The following NNT variants were observed in gnomAD, a reference collection of about 807,000 sequenced individuals.
The protein encoded by NNT is nicotinamide nucleotide transhydrogenase, also known as NAD(P) transhydrogenase, mitochondrial.
Under a neutral mutation model 104.8 loss-of-function variants are expected in NNT, and 50 were observed. The ratio of observed to expected loss-of-function variants is 0.48; its 90% CI spans 0.38 to 0.60. NNT has a LOEUF of 0.60. Among genes scored for constraint, NNT ranks in the 20% least tolerant of loss-of-function variants. The pLI is 0.00. For synonymous variants in NNT, 461 were observed against 490.4 expected (o/e 0.94, Z 0.79); for missense variants, 1,131 against 1,330.7 (o/e 0.85, Z 2.33).
chr5:43,668,233 C>T (rs1296685761), intron 17 of NNT, among the ~76,000 whole-genome samples: 2 of 124,614 alleles, frequency 1.6e-5, no homozygotes, highest in Non-Finnish European at 3.2e-5. Flanking sequence ...TGCCTATTCA[C>T]TCTGATGGTG....
intron 15 of NNT, among the ~76,000 whole-genome samples, chr5:43,656,317 T>C (rs574665381): frequency 6.6e-6 from 1 of 152,040 alleles, no homozygotes; most frequent in East Asian, 1.9e-4. Flanking sequence ...TAAAAAAGAT[T>C]AAAAAAAATG....
chr5:43,615,980 A>G lies in NNT; in HGVS notation c.514A>G (p.Thr172Ala). The G allele has an allele frequency of 1.2e-6, 2 of 1,614,110 alleles. No individual in the cohort carries two copies. Among genetic ancestry groups the G allele is most frequent in the Non-Finnish European group, 1.7e-6 (2 of 1,180,016 alleles). ...ELLNKLSQRK[T>A]TVLAMDQVPR... ...GCTAAATAAACTTTCCCAAAGAAAAACTACAGTTCTGGCAATGGACCAGGT... is the reference window on the plus strand; with the variant it reads ...GCTAAATAAACTTTCCCAAAGAAAAGCTACAGTTCTGGCAATGGACCAGGT... The change falls in exon 4 of 22, where the codon ACT becomes GCT. Residue 172 changes from threonine (T) to alanine (A), a missense_variant. Transcript: ENST00000344920.
intron 17 of NNT, among the ~76,000 whole-genome samples, chr5:43,666,614 G>A (rs35141665): frequency 0.033 from 5,011 of 151,784 alleles, 127 homozygotes; most frequent in East Asian, 0.12. Flanking sequence ...GGGAGAGAAG[G>A]AGAGGGAGAG....
intron 7 of NNT, among the ~76,000 whole-genome samples, chr5:43,630,498 C>G (rs1182608718): frequency 4.6e-5 from 7 of 152,112 alleles, no homozygotes; most frequent in Non-Finnish European, 1.0e-4. Flanking sequence ...TATATTTTTA[C>G]TTATGGGAAT....
chr5:43,658,885 T>G (rs1476842771), intron 16 of NNT, among the ~76,000 whole-genome samples: 1 of 152,176 alleles, frequency 6.6e-6, no homozygotes, highest in African/African-American at 2.4e-5. Flanking sequence ...TGTCATTGTA[T>G]TTTTCCAAAT....
chr5:43,685,949 A>T (rs1240079391), intron 19 of NNT, among the ~76,000 whole-genome samples: 1 of 152,166 alleles, frequency 6.6e-6, no homozygotes, highest in Non-Finnish European at 1.5e-5. Context: ...AGAGGCTTTT[A>T]AAAAATAGTA....
intron 12 of NNT, 25 bp from the exon 13 acceptor site, chr5:43,651,714 T>G: frequency 6.2e-7 from 1 of 1,613,230 alleles, no homozygotes; most frequent in African/African-American, 1.3e-5. Context: ...GGTACTATGT[T>G]TTTTATTTCC....
chr5:43,621,856 A>G (rs1023346019), intron 5 of NNT, among the ~76,000 whole-genome samples: 1 of 152,214 alleles, frequency 6.6e-6, no homozygotes, highest in African/African-American at 2.4e-5. Context: ...AAGGATTCCA[A>G]GCATTTAGGA....
chr5:43,641,194 A>G (rs1046064469), intron 7 of NNT, among the ~76,000 whole-genome samples: 3 of 152,058 alleles, frequency 2.0e-5, no homozygotes, highest in African/African-American at 7.2e-5. Context: ...GTATTCTGAA[A>G]TTGTCTTCTC....
intron 5 of NNT, among the ~76,000 whole-genome samples, chr5:43,621,617 C>A (rs533091738): frequency 9.2e-5 from 14 of 151,760 alleles, no homozygotes; most frequent in African/African-American, 2.9e-4. Context: ...TCACTCCAGG[C>A]TGATCTGGAA....
At chr5:43,700,929 G>T (rs938277142) in intron 20 of NNT, among the ~76,000 whole-genome samples, 1 of 152,120 alleles carries the variant, frequency 6.6e-6, no homozygotes, top group Non-Finnish European at 1.5e-5. Context: ...AACAGTCTAA[G>T]GTAGTTTATA....
rs1265933558 is a variant in NNT at position 43,659,344 on chromosome 5, G to A, written c.2628G>A (p.Met876Ile). The change falls in exon 17 of 22, where the codon ATG becomes ATA. Residue 876 changes from methionine to isoleucine, a missense_variant. By Grantham distance (10) the Met-to-Ile change is conservative. Coordinates refer to ENST00000344920, the MANE Select transcript of NNT (RefSeq NM_182977.3). ...CTGGTGCTATCCTGTCATACATCAT[G>A]TGTGTGGTAAGAAACAACACATACA... is the stretch of plus-strand genomic sequence containing the variant. ...GSSGAILSYI[M>I]CVAMNRSLAN... 1.2e-6 allele frequency: 2 copies of A among 1,608,148 alleles called. No individual in the cohort carries two copies. Among genetic ancestry groups the A allele is most frequent in the East Asian group, 4.5e-5 (2 of 44,836 alleles).
chr5:43,698,081 T>C lies in NNT; in HGVS notation c.2877-2038T>C, dbSNP rs190076384. On this transcript the variant is annotated intron_variant, in intron 19 of 21. Transcript: ENST00000344920. ...GAGGTGGAGTTTCTCTTTGGATATA[T>C]ACACACACACACACACACATATACA... Among the ~76,000 whole-genome samples, 187 of 150,156 alleles carry C rather than the reference T, an allele frequency of 1.2e-3. 1 individual carries two copies. Among genetic ancestry groups the C allele is most frequent in the Middle Eastern group, 0.01 (3 of 288 alleles).
At chr5:43,700,017 G>A in intron 19 of NNT, 102 bp from the exon 20 acceptor site, 1 of 785,540 alleles carries the variant, frequency 1.3e-6, no homozygotes, top group Non-Finnish European at 2.1e-6. Flanking sequence ...GAAAAAAGCA[G>A]AGGTGCCAAG....
At position 43,656,729 on chromosome 5, in the gene NNT, C is replaced by T. The variant is rs371081845; in HGVS notation, c.2370C>T (p.Gly790=). The T allele has an allele frequency of 2.9e-5, 46 of 1,613,980 alleles. No individual in the cohort carries two copies. Among genetic ancestry groups the T allele is most frequent in the East Asian group, 6.7e-5 (3 of 44,882 alleles). Residue 790 remains glycine (G), a synonymous_variant, in exon 16 of 22, where the codon GGC becomes GGT. Transcript: ENST00000344920. ...LNAGLLAASV[G]GIIPFMVDPS... ...CAGGCTTACTGGCTGCTAGTGTGGG[C>T]GGGATAATCCCATTCATGGTGGACC...
rs905047019 is a variant in NNT at position 43,704,238 on chromosome 5, T to C, written c.3112-17T>C. The C allele has an allele frequency of 2.9e-5, 44 of 1,535,612 alleles. No homozygotes were observed. Among genetic ancestry groups the C allele is most frequent in the Non-Finnish European group, 3.6e-5 (41 of 1,147,706 alleles). On this transcript the variant is annotated splice_polypyrimidine_tract_variant and intron_variant, in intron 21 of 21. Coordinates refer to ENST00000344920, the MANE Select transcript of NNT (RefSeq NM_182977.3). ...GGTCTGTTAAATACACTCTCTCATT[T>C]AATCTCTGGTTCTCAGGTGATTGTT...
chr5:43,637,985 A>G (rs531219348), intron 7 of NNT, among the ~76,000 whole-genome samples: 32 of 152,184 alleles, frequency 2.1e-4, no homozygotes, highest in African/African-American at 7.7e-4. Context: ...TGTTCCCATA[A>G]TCCCCACGTA....
intron 6 of NNT, among the ~76,000 whole-genome samples, chr5:43,625,096 G>A (rs2111661295): frequency 6.6e-6 from 1 of 152,262 alleles, no homozygotes; most frequent in East Asian, 1.9e-4. Flanking sequence ...AGTTAAGCAT[G>A]CCATTGATCC....
At chr5:43,688,415 AT>A (rs1462176715) in intron 19 of NNT, among the ~76,000 whole-genome samples, 3 of 151,934 alleles carry the variant, frequency 2.0e-5, no homozygotes, top group Non-Finnish European at 4.4e-5. Context: ...AATTTTTAAA[AT>A]TTTTTTTCAA....
Sources: allele counts gnomAD v4.1 joint callset (sites outside exome capture counted in the v4.1 genomes callset), GRCh38; gene constraint gnomAD v4.1.1; transcripts MANE v1.5; gene names NCBI Gene and HGNC (gene_info 2026-07-23, HGNC 2026-07-21).